PTPRD: variants seen among roughly 807,000 people sequenced by gnomAD.
The protein encoded by PTPRD is receptor-type tyrosine-protein phosphatase delta.
Under a neutral mutation model 214.5 loss-of-function variants are expected in PTPRD, and 34 were observed. The ratio of observed to expected loss-of-function variants is 0.16; its 90% CI spans 0.12 to 0.21. The LOEUF (loss-of-function observed/expected upper bound fraction) is 0.21, where lower values mean the gene tolerates loss of function less well. Ranked by LOEUF, PTPRD falls within the 10% of genes least tolerant of loss-of-function variation. PTPRD has a pLI of 1.00. For missense variants in PTPRD, 2,545 were observed against 2,398.7 expected (o/e 1.06, Z -1.27); for synonymous variants, 1,128 against 845.7 (o/e 1.33, Z -5.79).
chr9:8,578,544 T>C (rs1444522931), intron 14 of PTPRD, among the ~76,000 whole-genome samples: 1 of 152,172 alleles, frequency 6.6e-6, no homozygotes, highest in African/African-American at 2.4e-5. Flanking sequence ...AACAAAATGC[T>C]CTACCTATAT....
chr9:9,190,703 C>A (rs1288527767), intron 9 of PTPRD, among the ~76,000 whole-genome samples: 3 of 152,048 alleles, frequency 2.0e-5, no homozygotes, highest in Non-Finnish European at 4.4e-5. Context: ...CTGCTCTTTA[C>A]AAATTATCCA....
At chr9:9,456,306 G>T (rs1261754573) in intron 8 of PTPRD, among the ~76,000 whole-genome samples, 2 of 151,754 alleles carry the variant, frequency 1.3e-5, no homozygotes, top group African/African-American at 4.8e-5. Context: ...AATGTCTGCT[G>T]ATGTCTAAAT....
At chr9:9,128,590 C>T (rs779607909) in intron 10 of PTPRD, among the ~76,000 whole-genome samples, 2 of 152,190 alleles carry the variant, frequency 1.3e-5, no homozygotes, top group East Asian at 1.9e-4. Context: ...GTATAATAGT[C>T]TATACATGTA....
intron 11 of PTPRD, among the ~76,000 whole-genome samples, chr9:8,966,435 CA>C (rs1209458161): frequency 6.7e-6 from 1 of 150,180 alleles, no homozygotes; most frequent in Non-Finnish European, 1.5e-5. Context: ...AAAAAAGCAA[CA>C]AAAAACAGAA....
Position 9,141,164 on chromosome 9 carries a change from CT to C in PTPRD, c.-143+42139del, listed in dbSNP as rs1179391047. ...CTCTTCTCTCCCATCCTCCCCTCCC[CT>C]CCTCTTCTCTCTCTCTCTCTGTCTC... On this transcript the variant is annotated intron_variant, in intron 10 of 45. Transcript: ENST00000381196. Among the ~76,000 whole-genome samples, 85 of 147,678 alleles carry C rather than the reference CT, an allele frequency of 5.8e-4. 1 individual carries two copies. The highest frequency in any genetic ancestry group is 2.1e-3 in the African/African-American group (85 of 39,756).
chr9:8,621,572 T>C (rs1481604706), intron 14 of PTPRD, among the ~76,000 whole-genome samples: 2 of 151,870 alleles, frequency 1.3e-5, no homozygotes, highest in Non-Finnish European at 2.9e-5. Flanking sequence ...AATAATCATT[T>C]AAGTCAGAGT....
chr9:8,829,280 C>A (rs2097237325), intron 11 of PTPRD, among the ~76,000 whole-genome samples: 1 of 152,140 alleles, frequency 6.6e-6, no homozygotes, highest in South Asian at 2.1e-4. Context: ...CCTCCTCTTC[C>A]CTCACTCCCA....
intron 9 of PTPRD, among the ~76,000 whole-genome samples, chr9:9,256,477 AT>A (rs1210349621): frequency 6.6e-6 from 1 of 150,886 alleles, no homozygotes; most frequent in Non-Finnish European, 1.5e-5. Flanking sequence ...TGCCTAAAAG[AT>A]TTAAACTCTT....
At chr9:9,246,690 G>A (rs1426720393) in intron 9 of PTPRD, among the ~76,000 whole-genome samples, 4 of 152,034 alleles carry the variant, frequency 2.6e-5, no homozygotes, top group African/African-American at 4.8e-5. Flanking sequence ...TAAGCCCACC[G>A]GCAACATCAG....
At chr9:9,679,195 C>T (rs542803867) in intron 7 of PTPRD, among the ~76,000 whole-genome samples, 4 of 150,896 alleles carry the variant, frequency 2.7e-5, no homozygotes, top group African/African-American at 4.9e-5. Flanking sequence ...ATAGCACAAA[C>T]GTGCCTTATC....
intron 5 of PTPRD, among the ~76,000 whole-genome samples, chr9:9,857,059 C>T (rs2061691082): frequency 6.6e-6 from 1 of 152,080 alleles, no homozygotes; most frequent in South Asian, 2.1e-4. Context: ...CCCTCAAAGC[C>T]ATAGCTTTGT....
intron 11 of PTPRD, among the ~76,000 whole-genome samples, chr9:8,812,407 C>A (rs1019703979): frequency 6.6e-6 from 1 of 152,168 alleles, no homozygotes; most frequent in Non-Finnish European, 1.5e-5. Context: ...GGTAAAGTTT[C>A]CATGTATCTG....
At chr9:8,529,983 G>A (rs550664097) in intron 14 of PTPRD, among the ~76,000 whole-genome samples, 19 of 152,072 alleles carry the variant, frequency 1.2e-4, no homozygotes, top group Non-Finnish European at 1.6e-4. Flanking sequence ...ATTTTCATAA[G>A]CCACCAATTC....
chr9:9,573,805 T>A (rs2087413137), intron 8 of PTPRD, among the ~76,000 whole-genome samples: 1 of 151,810 alleles, frequency 6.6e-6, no homozygotes, highest in Non-Finnish European at 1.5e-5. Context: ...TGTTGAGTGT[T>A]TCTTTAAAAA....
Position 8,705,980 on chromosome 9 carries a change from A to G in PTPRD, c.64+27800T>C, listed in dbSNP as rs111415258. Among the ~76,000 whole-genome samples the G allele has an allele frequency of 5.2e-3, 799 of 152,284 alleles. 9 individuals carry two copies. Among genetic ancestry groups the G allele is most frequent in the African/African-American group, 0.018 (758 of 41,530 alleles). On this transcript the variant is annotated intron_variant, in intron 12 of 45. Transcript: ENST00000381196. ...ACTGTATCCATATGTGTAAATTCCA[A>G]GCCAGGCATTCATTTCAACTCAATT...
chr9:8,577,819 G>A (rs757973970), intron 14 of PTPRD, among the ~76,000 whole-genome samples: 57 of 152,210 alleles, frequency 3.7e-4, no homozygotes, highest in Admixed American at 6.5e-4. Flanking sequence ...CTCAAGACCC[G>A]CTGAATCAGA....
intron 6 of PTPRD, among the ~76,000 whole-genome samples, chr9:9,747,534 T>G (rs1012705609): frequency 2.7e-5 from 2 of 74,524 alleles, no homozygotes; most frequent in Non-Finnish European, 4.9e-5. Flanking sequence ...GACTGAATCT[T>G]TTTTGTTTTT....
At chr9:8,499,943 G>C in intron 24 of PTPRD, 103 bp from the exon 25 acceptor site, 1 of 917,796 alleles carries the variant, frequency 1.1e-6, no homozygotes, top group Non-Finnish European at 1.6e-6. Context: ...CAAAAAATGG[G>C]TAAACCCACT....
chr9:10,051,379 T>G (rs2097532155), intron 3 of PTPRD, among the ~76,000 whole-genome samples: 1 of 152,152 alleles, frequency 6.6e-6, no homozygotes, highest in Non-Finnish European at 1.5e-5. Context: ...CCTCTTCTCC[T>G]GCTGTTAGTC....
Sources: allele counts gnomAD v4.1 joint callset (sites outside exome capture counted in the v4.1 genomes callset), GRCh38; gene constraint gnomAD v4.1.1; transcripts MANE v1.5; gene names NCBI Gene and HGNC (gene_info 2026-07-23, HGNC 2026-07-21).